The following CHRM3 variants were observed in gnomAD, a reference collection of about 807,000 sequenced individuals.
The protein encoded by CHRM3 is cholinergic receptor muscarinic 3.
CHRM3 carries 11 observed loss-of-function variants against 41.8 expected under a neutral mutation model. The ratio of observed to expected loss-of-function variants is 0.26; its 90% CI spans 0.17 to 0.44. The LOEUF (loss-of-function observed/expected upper bound fraction) is 0.44. Ranked by LOEUF, CHRM3 falls within the 20% of genes least tolerant of loss-of-function variation. The pLI is 1.00. For missense variants in CHRM3, 571 were observed against 745.4 expected, an observed-to-expected ratio of 0.77 and a Z score of 2.72; for synonymous variants, 297 against 301.4, an observed-to-expected ratio of 0.99 and a Z score of 0.15.
chr1:239,481,720 A>G (rs1007382814), intron 1 of CHRM3, among the ~76,000 whole-genome samples: 5 of 152,202 alleles, frequency 3.3e-5, no homozygotes, highest in Non-Finnish European at 5.9e-5. Flanking sequence ...ATATTTGAAC[A>G]GCTAATTACT....
chr1:239,560,772 C>A (rs866792053), intron 3 of CHRM3, among the ~76,000 whole-genome samples: 2 of 152,114 alleles, frequency 1.3e-5, no homozygotes, highest in Middle Eastern at 3.4e-3. Context: ...CCATCCGTGA[C>A]CCCTAAAATT....
At chr1:239,880,963 G>T (rs1282618839) in intron 6 of CHRM3, among the ~76,000 whole-genome samples, 1 of 152,118 alleles carries the variant, frequency 6.6e-6, no homozygotes, top group East Asian at 1.9e-4. Flanking sequence ...TAGTAATAAA[G>T]ACAGCAGGCA....
rs530787542 is a variant in CHRM3, at chr1:239,704,462, G to A, written c.-147+26174G>A. 6 of 152,244 alleles carry A rather than the reference G, an allele frequency of 3.9e-5. No homozygotes were observed. The East Asian group carries it at 5.8e-4, about 15-fold the overall frequency. The allele number at this position is 152,244 out of a possible 1,614,324, so 9.4% of individuals were successfully genotyped here. On this transcript the variant is annotated intron_variant, in intron 5 of 6. Coordinates refer to ENST00000676153, the MANE Select transcript of CHRM3 (RefSeq NM_001375978.1). ...CAGATCTAGGAAGGAGATAAAACTC[G>A]AAAGAACATCAAGAAGAGAATATAT...
At chr1:239,693,943 A>T (rs1381748899) in intron 5 of CHRM3, among the ~76,000 whole-genome samples, 1 of 152,196 alleles carries the variant, frequency 6.6e-6, no homozygotes, top group Non-Finnish European at 1.5e-5. Flanking sequence ...CCTCTGGCTA[A>T]TATATGAATG....
intron 2 of CHRM3, among the ~76,000 whole-genome samples, chr1:239,506,379 G>A (rs1252065061): frequency 6.6e-6 from 1 of 152,154 alleles, no homozygotes; most frequent in South Asian, 2.1e-4. Context: ...TCCAGCCATG[G>A]CTAAAAGAGC....
chr1:239,491,662 C>T (rs986686979), intron 1 of CHRM3, among the ~76,000 whole-genome samples: 2 of 152,186 alleles, frequency 1.3e-5, no homozygotes, highest in Admixed American at 1.3e-4. Context: ...GCAGATGTCT[C>T]TCGGACATAC....
chr1:239,899,276 AGTGT>A (rs71168861), intron 6 of CHRM3, among the ~76,000 whole-genome samples: 365 of 134,630 alleles, frequency 2.7e-3, no homozygotes, highest in Non-Finnish European at 3.9e-3. Flanking sequence ...TTTTGAACTC[AGTGT>A]GTGTGTGTGT....
chr1:239,881,192 A>G (rs552272147), intron 6 of CHRM3, among the ~76,000 whole-genome samples: 22 of 141,100 alleles, frequency 1.6e-4, no homozygotes, highest in Non-Finnish European at 2.9e-4. Context: ...CTGAGGCAGG[A>G]GAATGGCGTG....
chr1:239,796,691 G>T (rs1669801708), intron 5 of CHRM3, among the ~76,000 whole-genome samples: 1 of 152,084 alleles, frequency 6.6e-6, no homozygotes, highest in Non-Finnish European at 1.5e-5. Context: ...AAGTCACACT[G>T]CAAGACCTTT....
chr1:239,716,572 A>G (rs1373603850), intron 5 of CHRM3, among the ~76,000 whole-genome samples: 2 of 152,122 alleles, frequency 1.3e-5, no homozygotes, highest in African/African-American at 4.8e-5. Context: ...ACAGGGAGAA[A>G]TGATGTTTAC....
chr1:239,537,237 A>G (rs887100025), intron 2 of CHRM3, among the ~76,000 whole-genome samples: 4 of 152,178 alleles, frequency 2.6e-5, no homozygotes, highest in Non-Finnish European at 5.9e-5. Flanking sequence ...TGCTATACAG[A>G]AATACCTGAG....
At chr1:239,497,807 G>C (rs1020700503) in intron 2 of CHRM3, among the ~76,000 whole-genome samples, 1 of 152,168 alleles carries the variant, frequency 6.6e-6, no homozygotes, top group African/African-American at 2.4e-5. Flanking sequence ...GACAGTACAG[G>C]CAGCAACAAA....
At chr1:239,602,934 A>T (rs1384448946) in intron 3 of CHRM3, among the ~76,000 whole-genome samples, 1 of 152,204 alleles carries the variant, frequency 6.6e-6, no homozygotes, top group Non-Finnish European at 1.5e-5. Flanking sequence ...TACTAAGTAC[A>T]CTGTTGTTGT....
chr1:239,456,958 G>T (rs1664988713), intron 1 of CHRM3, among the ~76,000 whole-genome samples: 1 of 152,176 alleles, frequency 6.6e-6, no homozygotes, highest in African/African-American at 2.4e-5. Flanking sequence ...TCTTTACTAT[G>T]TACTTGAAGA....
intron 1 of CHRM3, among the ~76,000 whole-genome samples, chr1:239,418,710 C>T (rs1661698765): frequency 6.6e-6 from 1 of 152,204 alleles, no homozygotes; most frequent in Admixed American, 6.5e-5. Flanking sequence ...AATGCATTCT[C>T]TTTGCCCTCA....
At chr1:239,877,625 A>G (rs1677215083) in intron 6 of CHRM3, among the ~76,000 whole-genome samples, 5 of 152,226 alleles carry the variant, frequency 3.3e-5, no homozygotes. Flanking sequence ...TGAGGCTAAG[A>G]AAGGTGAATT....
chr1:239,774,007 C>T (rs948805660), intron 5 of CHRM3, among the ~76,000 whole-genome samples: 1 of 152,142 alleles, frequency 6.6e-6, no homozygotes, highest in Non-Finnish European at 1.5e-5. Context: ...TAGGTACTAC[C>T]TGAGATAATT....
chr1:239,763,965 GCC>G (rs1391176596), intron 5 of CHRM3, among the ~76,000 whole-genome samples: 1 of 151,780 alleles, frequency 6.6e-6, no homozygotes, highest in Admixed American at 6.6e-5. Flanking sequence ...GTGTGGACAT[GCC>G]TGTAGTCCCA....
At chr1:239,389,080 C>T (rs959011806) in intron 1 of CHRM3, among the ~76,000 whole-genome samples, 6 of 151,920 alleles carry the variant, frequency 3.9e-5, no homozygotes, top group African/African-American at 9.7e-5. Flanking sequence ...TTTTAAATAA[C>T]GTTGCGTCAT....
Sources: allele counts gnomAD v4.1 joint callset (sites outside exome capture counted in the v4.1 genomes callset), GRCh38; gene constraint gnomAD v4.1.1; transcripts MANE v1.5; gene names NCBI Gene and HGNC (gene_info 2026-07-23, HGNC 2026-07-21).